PHAF1: variants seen among roughly 807,000 people sequenced by gnomAD.
The protein encoded by PHAF1 is phagosome assembly factor 1.
In PHAF1, 23 loss-of-function variants were observed where a neutral mutation model predicts 63.1. The ratio of observed to expected loss-of-function variants is 0.36; its 90% CI spans 0.26 to 0.52. The LOEUF (loss-of-function observed/expected upper bound fraction) is 0.52. PHAF1 is among the 20% of genes least tolerant of loss of function. The probability of loss-of-function intolerance (pLI) is 0.93; values close to 1 mark genes in which losing one functional copy is unlikely to be tolerated. For synonymous variants in PHAF1, 167 were observed against 185.0 expected (o/e 0.90, Z 0.79); for missense variants, 427 against 517.2 (o/e 0.83, Z 1.69).
At chr16:67,145,700 G>C in intron 14 of PHAF1, 72 bp downstream of exon 14, 1 of 1,498,854 alleles carries the variant, frequency 6.7e-7, no homozygotes, top group Non-Finnish European at 9.1e-7. Context: ...GGGAAGCCTG[G>C]CACAGTGGAT....
intron 1 of PHAF1, among the ~76,000 whole-genome samples, chr16:67,111,322 G>A (rs574030708): frequency 6.6e-6 from 1 of 152,302 alleles, no homozygotes; most frequent in South Asian, 2.1e-4. Flanking sequence ...ACTTTTATGT[G>A]TACAAGGATG....
At chr16:67,141,177 C>T (rs1306133828) in intron 10 of PHAF1, among the ~76,000 whole-genome samples, 1 of 152,182 alleles carries the variant, frequency 6.6e-6, no homozygotes, top group Non-Finnish European at 1.5e-5. Flanking sequence ...GTCTTGTAAC[C>T]TTTGAGCCTT....
intron 10 of PHAF1, among the ~76,000 whole-genome samples, chr16:67,141,484 C>T (rs1163169428): frequency 6.6e-6 from 1 of 152,240 alleles, no homozygotes; most frequent in Non-Finnish European, 1.5e-5. Flanking sequence ...CTTGCTCCCG[C>T]TGGGCTCATT....
intron 12 of PHAF1, 106 bp downstream of exon 12, chr16:67,144,983 C>A: frequency 1.4e-6 from 2 of 1,398,604 alleles, no homozygotes; most frequent in Non-Finnish European, 1.0e-6. Flanking sequence ...GAGCTTCTGC[C>A]CATGGCCTCA....
chr16:67,134,345 C>T lies in PHAF1; in HGVS notation c.549-10C>T, dbSNP rs1425593273. On this transcript the variant is annotated splice_polypyrimidine_tract_variant and intron_variant, in intron 7 of 15. Coordinates refer to ENST00000219139, the MANE Select transcript of PHAF1 (RefSeq NM_025187.5). ...AACCAAGCCTCTGCTCATTCTGTGT[C>T]TGTCCCCAGGGCTCCCATGATGCCT... 2 of 1,610,704 alleles carry T rather than the reference C, an allele frequency of 1.2e-6. No homozygotes were observed. The highest frequency in any genetic ancestry group is 8.5e-7 in the Non-Finnish European group (1 of 1,177,002).
In PHAF1 at chr16:67,144,970, G is replaced by A. The variant is rs1007712410; in HGVS notation, c.1006+93G>A. The A allele has an allele frequency of 2.7e-6, 4 of 1,470,084 alleles. No individual in the cohort carries two copies. The African/African-American group carries it at 5.6e-5, about 20-fold the overall frequency. The allele number at this position is 1,470,084 out of a possible 1,614,324, so 91.1% of individuals were successfully genotyped here. On this transcript the variant is annotated intron_variant, in intron 12 of 15. Coordinates refer to ENST00000219139, the MANE Select transcript of PHAF1 (RefSeq NM_025187.5). ...AAAGATCGAAGCAGTGGTTGGATGT[G>A]TGGAGCTTCTGCCCATGGCCTCAGT...
intron 13 of PHAF1, 32 bp from the exon 14 acceptor site, chr16:67,145,538 C>T: frequency 6.2e-7 from 1 of 1,613,884 alleles, no homozygotes; most frequent in Non-Finnish European, 8.5e-7. Flanking sequence ...CATGTCCCTA[C>T]TAACCCCTGC....
In PHAF1 at chr16:67,145,436, C is replaced by T. The variant is rs368070025; in HGVS notation, c.1050+17C>T. ...TACAGCAAGGTGAGCACCTATCTTC[C>T]TACCTGGCATAGCCTGAGAATGAGG... On this transcript the variant is annotated intron_variant, in intron 13 of 15. Coordinates refer to ENST00000219139, the MANE Select transcript of PHAF1 (RefSeq NM_025187.5). 72 of 1,614,146 alleles carry T rather than the reference C, an allele frequency of 4.5e-5. No homozygotes were observed. In the African/African-American group the frequency reaches 7.6e-4, roughly 17 times the overall value.
chr16:67,134,719 G>A (rs779753745), intron 8 of PHAF1: 12 of 587,084 alleles, frequency 2.0e-5, no homozygotes, highest in East Asian at 1.2e-4. Flanking sequence ...ACTTCTCCCC[G>A]TATCCTCATA....
chr16:67,109,958 C>G lies in PHAF1; in HGVS notation c.-218C>G. ...CTTTTACTGCAGTCGCGCCCGCCGC[C>G]GTCGTTGCCCCCGCTGCCGCGGCTG... On this transcript the variant is annotated 5_prime_UTR_variant, in exon 1 of 16. Transcript: ENST00000219139. 2 of 524,890 alleles carry G rather than the reference C, an allele frequency of 3.8e-6. No individual in the cohort carries two copies. The allele number at this position is 524,890 out of a possible 1,614,324, so 32.5% of individuals were successfully genotyped here.
intron 1 of PHAF1, among the ~76,000 whole-genome samples, chr16:67,118,786 T>G (rs1962857427): frequency 7.0e-6 from 1 of 142,314 alleles, no homozygotes; most frequent in Non-Finnish European, 1.5e-5. Flanking sequence ...TTTTTTTTTT[T>G]TTTTTTGAGA....
chr16:67,134,829 C>G, intron 8 of PHAF1: 2 of 422,966 alleles, frequency 4.7e-6, no homozygotes, highest in Non-Finnish European at 9.3e-6. Context: ...CTCCCAAAGC[C>G]CTGACCTTCT....
intron 1 of PHAF1, among the ~76,000 whole-genome samples, chr16:67,117,351 G>A (rs1177499380): frequency 1.3e-5 from 2 of 150,966 alleles, no homozygotes; most frequent in Non-Finnish European, 3.0e-5. Flanking sequence ...GCCCAGCCTG[G>A]AAACAAACTT....
intron 1 of PHAF1, among the ~76,000 whole-genome samples, chr16:67,111,768 C>T (rs183250959): frequency 4.6e-5 from 7 of 152,214 alleles, no homozygotes; most frequent in East Asian, 1.9e-4. Context: ...GGATTACAGG[C>T]GTCTGCCACC....
In PHAF1 at chr16:67,124,764, G is replaced by A. The variant is rs541292094; in HGVS notation, c.148-1195G>A. On this transcript the variant is annotated intron_variant, in intron 2 of 15. Coordinates refer to ENST00000219139, the MANE Select transcript of PHAF1 (RefSeq NM_025187.5). ...TAAAAATACAAAAAGTCAGCCGGGC[G>A]TGGTGGCGGGCGCCTGTAGTCCCAG... Among the ~76,000 whole-genome samples the A allele has an allele frequency of 5.3e-5, 8 of 152,160 alleles. No individual in the cohort carries two copies. In the South Asian group the frequency reaches 1.5e-3, roughly 28 times the overall value.
intron 2 of PHAF1, among the ~76,000 whole-genome samples, chr16:67,121,539 T>C (rs573925472): frequency 5.3e-5 from 8 of 151,656 alleles, no homozygotes; most frequent in Admixed American, 4.6e-4. Context: ...CCATGGATTA[T>C]CAGTGCCAAA....
At chr16:67,133,393 G>A (rs1326836568) in intron 6 of PHAF1, among the ~76,000 whole-genome samples, 2 of 151,724 alleles carry the variant, frequency 1.3e-5, no homozygotes, top group Non-Finnish European at 2.9e-5. Flanking sequence ...GGTGGCTCAT[G>A]CTTCTAATCC....
chr16:67,143,329 G>A (rs1963876899), intron 10 of PHAF1, among the ~76,000 whole-genome samples: 1 of 152,132 alleles, frequency 6.6e-6, no homozygotes, highest in Admixed American at 6.5e-5. Context: ...CTGAGGTCAG[G>A]AGTTCGAGAC....
At chr16:67,143,785 T>C (rs1963891569) in intron 10 of PHAF1, among the ~76,000 whole-genome samples, 1 of 151,716 alleles carries the variant, frequency 6.6e-6, no homozygotes, top group South Asian at 2.1e-4. Context: ...GTAACACACA[T>C]GACAGAAAAG....
Sources: allele counts gnomAD v4.1 joint callset (sites outside exome capture counted in the v4.1 genomes callset), GRCh38; gene constraint gnomAD v4.1.1; transcripts MANE v1.5; gene names NCBI Gene and HGNC (gene_info 2026-07-23, HGNC 2026-07-21).